Variants in LARGE1 observed in about 807,000 individuals in gnomAD.
LARGE1 encodes LARGE xylosyl- and glucuronyltransferase 1.
A neutral mutation model predicts 87.6 loss-of-function variants in LARGE1; 43 were observed. The observed-to-expected ratio is 0.49, with a 90% CI of 0.38 to 0.63. LARGE1 has a LOEUF of 0.63. LARGE1 is among the 30% of genes least tolerant of loss of function. The probability of loss-of-function intolerance (pLI) is 0.00; values close to 1 mark genes in which losing one functional copy is unlikely to be tolerated. For missense variants in LARGE1, 802 were observed against 1,000.2 expected (o/e 0.80, Z 2.67); for synonymous variants, 434 against 394.6 (o/e 1.10, Z -1.18).
At chr22:33,591,212 A>C (rs1191311964) in intron 5 of LARGE1, among the ~76,000 whole-genome samples, 1 of 152,196 alleles carries the variant, frequency 6.6e-6, no homozygotes. Context: ...ACAAACAAAC[A>C]AAAAAGCTAC....
chr22:33,823,748 C>G (rs2062703944), intron 1 of LARGE1, among the ~76,000 whole-genome samples: 1 of 152,088 alleles, frequency 6.6e-6, no homozygotes, highest in African/African-American at 2.4e-5. Flanking sequence ...CCAGCTAGGC[C>G]CATTTATGGA....
At chr22:33,452,642 C>T (rs1017746715) in intron 6 of LARGE1, among the ~76,000 whole-genome samples, 2 of 152,148 alleles carry the variant, frequency 1.3e-5, no homozygotes, top group African/African-American at 4.8e-5. Flanking sequence ...GTGAGGAAGG[C>T]CACACGGTGG....
chr22:33,161,762 C>T (rs1302097026), downstream of LARGE1, among the ~76,000 whole-genome samples: 1 of 152,158 alleles, frequency 6.6e-6, no homozygotes, highest in East Asian at 1.9e-4. Context: ...CAGCCCCCCT[C>T]CCAGCTGCTT....
chr22:33,093,804 CTTTT>C, the LARGE1 span, among the ~76,000 whole-genome samples: 2 of 128,338 alleles, frequency 1.6e-5, no homozygotes, highest in African/African-American at 5.8e-5. Flanking sequence ...GTCCTTGATT[CTTTT>C]TTTTTCTTTC....
chr22:33,657,177 T>A (rs1378875900), intron 2 of LARGE1: 1 of 152,242 alleles, frequency 6.6e-6, no homozygotes, highest in Non-Finnish European at 1.5e-5. Flanking sequence ...CAGATCTCTC[T>A]AGTCTAGGAA....
chr22:33,828,925 T>C (rs1176872181), intron 1 of LARGE1, among the ~76,000 whole-genome samples: 1 of 151,972 alleles, frequency 6.6e-6, no homozygotes, highest in Non-Finnish European at 1.5e-5. Flanking sequence ...TCCTCAATTA[T>C]CTCAGAGGCT....
the LARGE1 span, among the ~76,000 whole-genome samples, chr22:33,083,256 C>T: frequency 7.6e-4 from 115 of 152,234 alleles, 2 homozygotes; most frequent in East Asian, 0.021. Context: ...TTTCACTATG[C>T]TAGGCTGCCA....
chr22:33,574,685 A>C (rs2078299212), intron 5 of LARGE1, among the ~76,000 whole-genome samples: 1 of 119,248 alleles, frequency 8.4e-6, no homozygotes. Flanking sequence ...GATATAAACA[A>C]TTGTGTGTGT....
chr22:33,487,334 G>A (rs1344863597), intron 6 of LARGE1, among the ~76,000 whole-genome samples: 1 of 152,130 alleles, frequency 6.6e-6, no homozygotes, highest in African/African-American at 2.4e-5. Flanking sequence ...CCTCATCACA[G>A]GTCTGCTGAA....
At chr22:33,444,024 T>C (rs1446810389) in intron 6 of LARGE1, among the ~76,000 whole-genome samples, 1 of 152,246 alleles carries the variant, frequency 6.6e-6, no homozygotes, top group Admixed American at 6.5e-5. Context: ...CTCACAGATA[T>C]TCCTTTGACT....
intron 6 of LARGE1, among the ~76,000 whole-genome samples, chr22:33,543,105 C>T (rs59814540): frequency 6.6e-6 from 1 of 152,190 alleles, no homozygotes; most frequent in East Asian, 1.9e-4. Context: ...TCTTTCGACA[C>T]ATCCCTTTCC....
intron 6 of LARGE1, among the ~76,000 whole-genome samples, chr22:33,543,058 T>G (rs2077256357): frequency 6.6e-6 from 1 of 152,194 alleles, no homozygotes; most frequent in Non-Finnish European, 1.5e-5. Flanking sequence ...ATGCTCTGTT[T>G]CCCGCTGCTT....
intron 6 of LARGE1, among the ~76,000 whole-genome samples, chr22:33,471,428 C>T (rs1408685173): frequency 1.3e-5 from 2 of 152,122 alleles, no homozygotes; most frequent in South Asian, 2.1e-4. Flanking sequence ...AATAATAATA[C>T]CTCTTATTAT....
At chr22:33,113,058 A>T in the LARGE1 span, among the ~76,000 whole-genome samples, 1 of 152,332 alleles carries the variant, frequency 6.6e-6, no homozygotes, top group African/African-American at 2.4e-5. Context: ...TTCAACTCAA[A>T]ATATAAATGT....
chr22:33,833,610 T>C (rs2063032675), intron 1 of LARGE1, among the ~76,000 whole-genome samples: 2 of 152,228 alleles, frequency 1.3e-5, no homozygotes, highest in Admixed American at 6.5e-5. Flanking sequence ...TGGTACCTTG[T>C]TACGATAGGG....
chr22:33,346,552 C>T (rs751628918), intron 9 of LARGE1, among the ~76,000 whole-genome samples: 2 of 152,150 alleles, frequency 1.3e-5, no homozygotes, highest in African/African-American at 4.8e-5. Flanking sequence ...ATCTGCCCAC[C>T]TCGGCCTCCT....
chr22:33,323,795 C>T (rs113827940), intron 10 of LARGE1, among the ~76,000 whole-genome samples: 1 of 152,282 alleles, frequency 6.6e-6, no homozygotes, highest in African/African-American at 2.4e-5. Flanking sequence ...CGTAAAACTG[C>T]TTTGTGAACT....
At chr22:33,393,361 T>C (rs2065600128) in intron 7 of LARGE1, among the ~76,000 whole-genome samples, 2 of 152,210 alleles carry the variant, frequency 1.3e-5, no homozygotes, top group South Asian at 2.1e-4. Context: ...TAAATGACAG[T>C]TACAGAAACT....
At chr22:33,843,790 G>A (rs184803420) in intron 1 of LARGE1, among the ~76,000 whole-genome samples, 6 of 152,172 alleles carry the variant, frequency 3.9e-5, no homozygotes, top group East Asian at 3.9e-4. Flanking sequence ...GTCTGTTCCC[G>A]GCACCCTTCC....
Sources: gnomAD v4.1 joint callset for allele counts (sites outside exome capture counted in the v4.1 genomes callset) on GRCh38, gnomAD v4.1.1 for gene constraint, MANE v1.5 for transcripts, NCBI Gene and HGNC (gene_info 2026-07-23, HGNC 2026-07-21) for gene names.